Variants in RGS7 observed in about 807,000 individuals in gnomAD.
RGS7 encodes regulator of G protein signaling 7.
RGS7 carries 27 observed loss-of-function variants against 81.1 expected under a neutral mutation model. The observed-to-expected ratio is 0.33, with a 90% confidence interval of 0.25 to 0.46. The LOEUF is 0.46. RGS7 is among the 20% of genes least tolerant of loss of function. The probability of loss-of-function intolerance (pLI) is 1.00; values close to 1 mark genes in which losing one functional copy is unlikely to be tolerated. For synonymous variants in RGS7, 208 were observed against 207.7 expected, an observed-to-expected ratio of 1.00 and a Z score of -0.01; for missense variants, 396 against 607.4, an observed-to-expected ratio of 0.65 and a Z score of 3.66.
chr1:240,825,447 G>A (rs764140740), intron 10 of RGS7, among the ~76,000 whole-genome samples: 11 of 152,142 alleles, frequency 7.2e-5, no homozygotes, highest in Non-Finnish European at 1.6e-4. Context: ...TTTATCAAAA[G>A]GTGAGAAAAA....
chr1:241,048,802 A>C (rs1324423819), intron 3 of RGS7, among the ~76,000 whole-genome samples: 1 of 152,176 alleles, frequency 6.6e-6, no homozygotes, highest in Non-Finnish European at 1.5e-5. Context: ...TGGGTGGCTT[A>C]AAACAACAGA....
intron 9 of RGS7, among the ~76,000 whole-genome samples, chr1:240,832,705 T>C (rs1694052272): frequency 6.6e-6 from 1 of 152,202 alleles, no homozygotes; most frequent in Admixed American, 6.5e-5. Context: ...AGAACAGCTG[T>C]GTTTAAGTTC....
At chr1:240,903,030 A>C (rs182125811) in intron 6 of RGS7, among the ~76,000 whole-genome samples, 1 of 152,252 alleles carries the variant, frequency 6.6e-6, no homozygotes, top group Admixed American at 6.5e-5. Flanking sequence ...CTTTTATAAT[A>C]AAAATCCAAG....
chr1:241,036,394 C>T (rs1263841521), intron 3 of RGS7, among the ~76,000 whole-genome samples: 2 of 152,164 alleles, frequency 1.3e-5, no homozygotes, highest in African/African-American at 4.8e-5. Context: ...ATAAGTCCTG[C>T]CACTGCTGGT....
chr1:241,088,985 G>A (rs889109695), intron 3 of RGS7, among the ~76,000 whole-genome samples: 3 of 143,694 alleles, frequency 2.1e-5, no homozygotes, highest in African/African-American at 5.3e-5. Flanking sequence ...GAGACTGCGC[G>A]ACTGCACTCC....
intron 6 of RGS7, among the ~76,000 whole-genome samples, chr1:240,916,345 T>C (rs892235459): frequency 2.0e-5 from 3 of 149,846 alleles, no homozygotes; most frequent in Non-Finnish European, 4.4e-5. Flanking sequence ...GTGGGGGTAA[T>C]TATAATATAA....
At chr1:241,297,774 A>AT (rs1380284286) in intron 2 of RGS7, among the ~76,000 whole-genome samples, 3 of 152,158 alleles carry the variant, frequency 2.0e-5, no homozygotes, top group Non-Finnish European at 4.4e-5. Context: ...TAGTTACAGT[A>AT]TTTTTTAAAA....
At chr1:241,012,789 T>C (rs1201344147) in intron 3 of RGS7, among the ~76,000 whole-genome samples, 1 of 152,116 alleles carries the variant, frequency 6.6e-6, no homozygotes, top group African/African-American at 2.4e-5. Context: ...CTAGGAAAGA[T>C]TAACTCACAG....
At chr1:241,263,561 G>A (rs1263626840) in intron 2 of RGS7, among the ~76,000 whole-genome samples, 1 of 152,074 alleles carries the variant, frequency 6.6e-6, no homozygotes, top group Non-Finnish European at 1.5e-5. Flanking sequence ...TATTCAGCAG[G>A]CATTTATTTA....
chr1:241,021,182 TCCTC>T (rs1256474166), intron 3 of RGS7, among the ~76,000 whole-genome samples: 1 of 152,102 alleles, frequency 6.6e-6, no homozygotes, highest in Non-Finnish European at 1.5e-5. Context: ...CACTTAGCGA[TCCTC>T]CTCTGTCACA....
In RGS7 at chr1:241,030,387, CAT is replaced by C. The variant is rs1558621401; in HGVS notation, c.176-47260_176-47259del. Among the ~76,000 whole-genome samples, 475 of 81,496 alleles carry C rather than the reference CAT, an allele frequency of 5.8e-3. 12 individuals carry two copies. Among genetic ancestry groups the C allele is most frequent in the African/African-American group, 0.021 (450 of 21,866 alleles). 53.5% of individuals were successfully genotyped at this position (81,496 alleles called of 152,430 possible). The stretch of plus-strand genomic sequence containing the variant: ...ATATATATATATACATACACACATA[CAT>C]ACACACACACACTATATACACATAT... On this transcript the variant is annotated intron_variant, in intron 3 of 18. Coordinates refer to ENST00000440928, the MANE Select transcript of RGS7 (RefSeq NM_001364886.1).
intron 6 of RGS7, among the ~76,000 whole-genome samples, chr1:240,872,148 C>A (rs1664604841): frequency 6.6e-6 from 1 of 152,006 alleles, no homozygotes; most frequent in Middle Eastern, 3.2e-3. Flanking sequence ...GCAGACAGTG[C>A]CAGGCATAAA....
intron 4 of RGS7, among the ~76,000 whole-genome samples, chr1:240,980,985 A>G (rs1225777849): frequency 2.0e-5 from 3 of 152,228 alleles, no homozygotes; most frequent in Admixed American, 2.0e-4. Flanking sequence ...TGCACATTAT[A>G]GCTAAAACAA....
chr1:241,139,248 T>C (rs982059687), intron 2 of RGS7, among the ~76,000 whole-genome samples: 1 of 151,210 alleles, frequency 6.6e-6, no homozygotes, highest in African/African-American at 2.4e-5. Context: ...TCTCTTTCCT[T>C]CTTTTCTTCC....
At chr1:241,034,739 A>G (rs1453639428) in intron 3 of RGS7, among the ~76,000 whole-genome samples, 3 of 152,196 alleles carry the variant, frequency 2.0e-5, no homozygotes, top group Non-Finnish European at 4.4e-5. Flanking sequence ...AGAGGTTCTG[A>G]TGGCTATTCA....
intron 4 of RGS7, among the ~76,000 whole-genome samples, chr1:240,962,891 T>C (rs1022206906): frequency 6.6e-6 from 1 of 152,166 alleles, no homozygotes; most frequent in Non-Finnish European, 1.5e-5. Flanking sequence ...TGCAATGATA[T>C]AAATATGGCT....
At chr1:240,803,762 T>C (rs138004863) in intron 15 of RGS7, among the ~76,000 whole-genome samples, 167 of 152,120 alleles carry the variant, frequency 1.1e-3, no homozygotes, top group African/African-American at 3.4e-3. Context: ...GGAGCTAACA[T>C]GTGCCTTGAT....
intron 2 of RGS7, among the ~76,000 whole-genome samples, chr1:241,121,488 A>G (rs959802700): frequency 1.3e-5 from 2 of 152,150 alleles, no homozygotes; most frequent in Non-Finnish European, 2.9e-5. Context: ...ACTTGTTTGA[A>G]TATGTATGTT....
At position 241,162,323 on chromosome 1, in the gene RGS7, G is replaced by A. The variant is rs1267942791; in HGVS notation, c.79-63561C>T. On this transcript the variant is annotated intron_variant, in intron 2 of 18. Transcript: ENST00000440928. ...TGGTATATGAGCTTCCTCCAGGAAC[G>A]CTCTGCTGGTAAGGGAAAAACGCCT... 2.6e-5 allele frequency among the ~76,000 whole-genome samples: 4 copies of A among 151,794 alleles called. No homozygotes were observed. The East Asian group carries it at 5.8e-4, about 22-fold the overall frequency.
Sources: gnomAD v4.1 joint callset for allele counts (sites outside exome capture counted in the v4.1 genomes callset) on GRCh38, gnomAD v4.1.1 for gene constraint, MANE v1.5 for transcripts, NCBI Gene and HGNC (gene_info 2026-07-23, HGNC 2026-07-21) for gene names.